SNX29: variants seen among roughly 807,000 people sequenced by gnomAD.
SNX29 encodes sorting nexin-29.
Under a neutral mutation model 102.1 loss-of-function variants are expected in SNX29, and 78 were observed. That is an observed-to-expected ratio of 0.76 (90% CI 0.64 to 0.92). The LOEUF (loss-of-function observed/expected upper bound fraction) is 0.92. Among genes scored for constraint, SNX29 ranks in the 40% least tolerant of loss-of-function variants. The pLI is 0.00. For missense variants in SNX29, 1,280 were observed against 1,061.7 expected (o/e 1.21, Z -2.86); for synonymous variants, 580 against 414.5 (o/e 1.40, Z -4.85).
intron 19 of SNX29, among the ~76,000 whole-genome samples, chr16:12,519,376 C>T (rs1210862454): frequency 6.6e-6 from 1 of 152,130 alleles, no homozygotes; most frequent in African/African-American, 2.4e-5. Flanking sequence ...CACTGTAACT[C>T]GTCTTTTAAA....
chr16:12,115,179 G>T (rs538411042), intron 11 of SNX29, among the ~76,000 whole-genome samples: 3 of 152,168 alleles, frequency 2.0e-5, no homozygotes, highest in African/African-American at 7.2e-5. Flanking sequence ...CCCCTCCGTT[G>T]CTTTTTCCTT....
intron 3 of SNX29, among the ~76,000 whole-genome samples, chr16:12,013,112 T>C (rs2151063418): frequency 6.6e-6 from 1 of 151,490 alleles, no homozygotes; most frequent in Non-Finnish European, 1.5e-5. Flanking sequence ...GGATTGAGGT[T>C]TGGGACTGAG....
intron 15 of SNX29, among the ~76,000 whole-genome samples, chr16:12,297,694 A>G (rs1372755713): frequency 6.6e-6 from 1 of 152,222 alleles, no homozygotes; most frequent in Non-Finnish European, 1.5e-5. Flanking sequence ...ATTTCTCTGT[A>G]CATCTCCAAT....
intron 14 of SNX29, among the ~76,000 whole-genome samples, chr16:12,232,486 A>C (rs1199237609): frequency 1.3e-5 from 2 of 152,212 alleles, no homozygotes; most frequent in East Asian, 1.9e-4. Context: ...GTGCCACTGC[A>C]CTCCAGGCTG....
chr16:12,083,810 A>T (rs4780410), intron 11 of SNX29, among the ~76,000 whole-genome samples: 1 of 152,086 alleles, frequency 6.6e-6, no homozygotes, highest in African/African-American at 2.4e-5. Flanking sequence ...CCCACAAAGC[A>T]GCGAATGCTT....
chr16:12,542,445 C>T (rs1380785420), intron 20 of SNX29, among the ~76,000 whole-genome samples: 1 of 152,236 alleles, frequency 6.6e-6, no homozygotes, highest in African/African-American at 2.4e-5. Context: ...AATTTTGTTT[C>T]CTCAGCTTCC....
intron 20 of SNX29, among the ~76,000 whole-genome samples, chr16:12,544,915 G>C (rs965738934): frequency 6.6e-6 from 1 of 152,220 alleles, no homozygotes; most frequent in Non-Finnish European, 1.5e-5. Context: ...ATAGTCATTA[G>C]ATGTTATCAT....
chr16:12,048,338 C>A lies in SNX29; in HGVS notation c.500-34C>A, dbSNP rs536690531. 10 of 1,613,716 alleles carry A rather than the reference C, an allele frequency of 6.2e-6. No homozygotes were observed. In the Middle Eastern group the frequency reaches 5.0e-4, roughly 80 times the overall value. The stretch of plus-strand genomic sequence containing the variant: ...TGTTGCTGGTATGACTGCCCATCAG[C>A]AAGCACTCCAGACTTTTCCCTTTTT... On this transcript the variant is annotated intron_variant, in intron 6 of 20. Coordinates refer to ENST00000566228, the MANE Select transcript of SNX29 (RefSeq NM_032167.5).
At chr16:12,499,865 C>T (rs1305051555) in intron 19 of SNX29, among the ~76,000 whole-genome samples, 1 of 152,100 alleles carries the variant, frequency 6.6e-6, no homozygotes, top group Non-Finnish European at 1.5e-5. Context: ...TTTGTAGAGA[C>T]AGGGCTTTGC....
intron 15 of SNX29, among the ~76,000 whole-genome samples, chr16:12,292,380 T>A (rs2079827974): frequency 6.6e-6 from 1 of 152,182 alleles, no homozygotes; most frequent in Admixed American, 6.5e-5. Context: ...ATTGGAAAGT[T>A]CTCCCTTTTC....
Position 12,194,654 on chromosome 16 carries a change from G to A in SNX29, c.1596-4947G>A, listed in dbSNP as rs551092782. 6.3e-5 allele frequency among the ~76,000 whole-genome samples: 9 copies of A among 142,408 alleles called. No individual in the cohort carries two copies. The East Asian group carries it at 1.3e-3, about 21-fold the overall frequency. 93.4% of individuals were successfully genotyped at this position (142,408 alleles called of 152,430 possible). ...TTTTTTTTTTTTTTAAGAAGGAATC[G>A]CAGACTCTGTCACCTAGGCTGGAGT... On this transcript the variant is annotated intron_variant, in intron 13 of 20. Transcript: ENST00000566228.
chr16:11,991,873 G>A (rs750174778), intron 1 of SNX29, among the ~76,000 whole-genome samples: 3 of 152,050 alleles, frequency 2.0e-5, no homozygotes, highest in Admixed American at 6.6e-5. Context: ...TTTCTATTGT[G>A]TGATTCAATA....
At chr16:12,492,732 T>C (rs2151867590) in intron 19 of SNX29, among the ~76,000 whole-genome samples, 1 of 152,322 alleles carries the variant, frequency 6.6e-6, no homozygotes, top group East Asian at 1.9e-4. Context: ...GGGATCCAGT[T>C]TCAGCTTTCT....
At chr16:12,179,900 A>G (rs2076343458) in intron 13 of SNX29, among the ~76,000 whole-genome samples, 1 of 146,094 alleles carries the variant, frequency 6.8e-6, no homozygotes, top group African/African-American at 2.5e-5. Context: ...GCCCAAAGGA[A>G]CTCTTCTTTC....
chr16:11,996,274 C>T (rs947432266), intron 1 of SNX29, among the ~76,000 whole-genome samples: 1 of 151,726 alleles, frequency 6.6e-6, no homozygotes, highest in South Asian at 2.1e-4. Flanking sequence ...GTCCCAGCTA[C>T]TCGGAGGGCT....
chr16:12,515,016 C>T (rs1405666542), intron 19 of SNX29, among the ~76,000 whole-genome samples: 1 of 152,038 alleles, frequency 6.6e-6, no homozygotes, highest in East Asian at 1.9e-4. Context: ...CATAGGTGTG[C>T]CTAGCCCAGT....
chr16:12,496,052 A>G (rs960977544), intron 19 of SNX29, among the ~76,000 whole-genome samples: 4 of 152,198 alleles, frequency 2.6e-5, no homozygotes, highest in Non-Finnish European at 5.9e-5. Flanking sequence ...TGTCAAAAAA[A>G]AAATGTCTGC....
chr16:12,054,654 T>A (rs76646468), intron 8 of SNX29, among the ~76,000 whole-genome samples: 166 of 152,330 alleles, frequency 1.1e-3, no homozygotes, highest in Middle Eastern at 3.4e-3. Context: ...CACCCCCAGC[T>A]TTCCTGGGTC....
At chr16:12,068,378 C>G (rs957602668) in intron 9 of SNX29, among the ~76,000 whole-genome samples, 3 of 151,314 alleles carry the variant, frequency 2.0e-5, no homozygotes, top group Non-Finnish European at 4.4e-5. Context: ...CTCCCAGGTA[C>G]TTGAGAGGCT....
Sources: allele counts gnomAD v4.1 joint callset (sites outside exome capture counted in the v4.1 genomes callset), GRCh38; gene constraint gnomAD v4.1.1; transcripts MANE v1.5; gene names NCBI Gene and HGNC (gene_info 2026-07-23, HGNC 2026-07-21).